HDAC2: variants seen among roughly 807,000 people sequenced by gnomAD.
HDAC2 encodes the protein YY1-associated factor 1.
Under a neutral mutation model 68.5 loss-of-function variants are expected in HDAC2, and 5 were observed. The ratio of observed to expected loss-of-function variants is 0.07; its 90% CI spans 0.04 to 0.15. The LOEUF is 0.15. HDAC2 is among the 10% of genes least tolerant of loss of function. The pLI is 1.00. For missense variants in HDAC2, 291 were observed against 600.8 expected (o/e 0.48, Z 5.39); for synonymous variants, 182 against 191.3 (o/e 0.95, Z 0.40).
intron 9 of HDAC2, 125 bp from the exon 10 acceptor site, chr6:113,945,595 G>T: frequency 1.5e-6 from 1 of 678,770 alleles, no homozygotes; most frequent in Non-Finnish European, 2.6e-6. Flanking sequence ...AACACAAAGT[G>T]AATGTTCTCC....
At chr6:113,957,930 C>G (rs1368236392) in intron 3 of HDAC2, among the ~76,000 whole-genome samples, 1 of 151,932 alleles carries the variant, frequency 6.6e-6, no homozygotes, top group African/African-American at 2.4e-5. Flanking sequence ...ACTACATGTT[C>G]TAGTTACATT....
At chr6:113,948,380 A>G (rs922293655) in intron 8 of HDAC2, 1 of 152,294 alleles carries the variant, frequency 6.6e-6, no homozygotes, top group African/African-American at 2.4e-5. Flanking sequence ...CTGTTTTTCA[A>G]GAAGGTGAAA....
chr6:113,970,335 G>T (rs898037695), intron 1 of HDAC2: 2 of 438,220 alleles, frequency 4.6e-6, no homozygotes, highest in Admixed American at 6.4e-5. Flanking sequence ...TAGGGGAGGC[G>T]AGCAGGCGAG....
intron 3 of HDAC2, 74 bp from the exon 4 acceptor site, chr6:113,956,767 T>C: frequency 9.3e-7 from 1 of 1,070,086 alleles, no homozygotes; most frequent in East Asian, 2.4e-5. Flanking sequence ...AAAAACTATT[T>C]CCCACAAATA....
intron 1 of HDAC2, 63 bp from the exon 2 acceptor site, chr6:113,960,081 T>C: frequency 1.2e-6 from 1 of 811,994 alleles, no homozygotes; most frequent in Non-Finnish European, 2.2e-6. Flanking sequence ...ACTATTTGAA[T>C]TTATGTATGT....
At position 113,949,786 on chromosome 6, in the gene HDAC2, C is replaced by CT. The variant is rs531082299; in HGVS notation, c.640-527dup. The stretch of plus-strand genomic sequence containing the variant: ...TACCGACTAAAGCACCAGATTTGTT[C>CT]TTTTTTTTTTTTTGAGACAGAGTTT... On this transcript the variant is annotated intron_variant, in intron 6 of 13. Transcript: ENST00000519065. Among the ~76,000 whole-genome samples, 351 of 145,350 alleles carry CT rather than the reference C, an allele frequency of 2.4e-3. 2 individuals carry two copies. The highest frequency in any genetic ancestry group is 4.9e-3 in the African/African-American group (196 of 39,904).
Position 113,953,353 on chromosome 6 carries a change from A to G in HDAC2, c.563T>C (p.Phe188Ser). The change falls in exon 6 of 14, where the codon TTT (phenylalanine) becomes TCT (serine). Residue 188 changes from phenylalanine to serine, a missense_variant. Physicochemically the swap from Phe to Ser is radical, Grantham distance 155. Coordinates refer to ENST00000519065, the MANE Select transcript of HDAC2 (RefSeq NM_001527.4). ...CGTCATTACACGATCTGTTGTATAA[A>G]AAGCTTCTTCAACACCATCACCATG... ...IHHGDGVEEAFYTTDRVMTVS... is the reference protein window; with the variant it reads ...IHHGDGVEEASYTTDRVMTVS... The G allele has an allele frequency of 6.3e-7, 1 of 1,587,748 alleles. No homozygotes were observed. The highest frequency in any genetic ancestry group is 8.6e-7 in the Non-Finnish European group (1 of 1,156,240).
chr6:113,937,191 T>C lies in HDAC2; in HGVS notation c.*3867A>G, dbSNP rs567584327. 53 of 152,328 alleles carry C rather than the reference T, an allele frequency of 3.5e-4. No homozygotes were observed. Among genetic ancestry groups the C allele is most frequent in the African/African-American group, 1.3e-3 (53 of 41,576 alleles). The allele number at this position is 152,328 out of a possible 1,614,324, so 9.4% of individuals were successfully genotyped here. A position where few individuals can be genotyped will look rare whatever the true frequency, so the allele number is the denominator to read the frequency against. On this transcript the variant is annotated 3_prime_UTR_variant, in exon 14 of 14. Coordinates refer to ENST00000519065, the MANE Select transcript of HDAC2 (RefSeq NM_001527.4). ...CTATTGAAATGATTACTACTTGTTT[T>C]CAAAAGCCCTTATCATTTATATCAC...
rs756145331 is a variant in HDAC2 at position 113,943,503 on chromosome 6, C to T, written c.1226G>A (p.Arg409Gln). Residue 409 changes from arginine (R) to glutamine (Q), a missense_variant, in exon 12 of 14, where the codon CGA becomes CAA. By Grantham distance (43) the Arg-to-Gln change is conservative. Transcript: ENST00000519065. The stretch of plus-strand genomic sequence containing the variant: ...ACAAGCTATCCGCTTGTCTGATGCT[C>T]GAACTGCACAGAATATTTTAATAAA... ...GEDPDKRISI[R>Q]ASDKRIACDE... is the part of the protein sequence containing the mutation. 10 of 1,595,130 alleles carry T rather than the reference C, an allele frequency of 6.3e-6. No individual in the cohort carries two copies. Among genetic ancestry groups the T allele is most frequent in the Non-Finnish European group, 8.5e-6 (10 of 1,176,310 alleles).
chr6:113,933,788 CACAT>C lies in HDAC2; in HGVS notation c.*7266_*7269del, dbSNP rs1341775448. ...GTATATTATATAATATACATACACA[CACAT>C]ATATACACATGTATATATATATATG... On this transcript the variant is annotated 3_prime_UTR_variant, in exon 14 of 14. Coordinates refer to ENST00000519065, the MANE Select transcript of HDAC2 (RefSeq NM_001527.4). The C allele has an allele frequency of 6.6e-6, 1 of 151,596 alleles. No individual in the cohort carries two copies. The highest frequency in any genetic ancestry group is 1.5e-5 in the Non-Finnish European group (1 of 67,932). The allele number at this position is 151,596 out of a possible 1,614,324, so 9.4% of individuals were successfully genotyped here.
rs538946968 is a variant in HDAC2 at position 113,939,555 on chromosome 6, T to C, written c.*1503A>G. ...TATCCCCCTAACGAAGGGACTAAGT[T>C]TCTTAGTTCCTAATGTCATAAAGGT... On this transcript the variant is annotated 3_prime_UTR_variant, in exon 14 of 14. Transcript: ENST00000519065. 2.0e-5 allele frequency: 3 copies of C among 152,352 alleles called. No individual in the cohort carries two copies. The East Asian group carries it at 5.8e-4, about 29-fold the overall frequency. 9.4% of individuals were successfully genotyped at this position (152,352 alleles called of 1,614,324 possible).
Position 113,941,733 on chromosome 6 carries a change from T to C in HDAC2, c.1411A>G (p.Ser471Gly). Reference protein sequence around the residue: ...VKEEDKSKDNSGEKTDTKGTK... With the variant: ...VKEEDKSKDNGGEKTDTKGTK... Reference sequence around the variant, plus strand: ...CCTTTGGTATCTGTTTTTTCACCACTGTTGTCCTTGGATTTATCTTCTTCC... The same window carrying C: ...CCTTTGGTATCTGTTTTTTCACCACCGTTGTCCTTGGATTTATCTTCTTCC... Residue 471 changes from serine to glycine, a missense_variant, in exon 13 of 14, where the codon AGT becomes GGT. Coordinates refer to ENST00000519065, the MANE Select transcript of HDAC2 (RefSeq NM_001527.4). 1 of 1,458,978 alleles carries C rather than the reference T, an allele frequency of 6.9e-7. No homozygotes were observed. Among genetic ancestry groups the C allele is most frequent in the Non-Finnish European group, 9.4e-7 (1 of 1,068,076 alleles). 90.4% of individuals were successfully genotyped at this position (1,458,978 alleles called of 1,614,324 possible).
At position 113,940,024 on chromosome 6, in the gene HDAC2, ATGTTT is replaced by A. The variant is rs1227482567; in HGVS notation, c.*1029_*1033del. 6.6e-6 allele frequency: 1 copy of A among 152,202 alleles called. No homozygotes were observed. The highest frequency in any genetic ancestry group is 1.5e-5 in the Non-Finnish European group (1 of 68,034). 9.4% of individuals were successfully genotyped at this position (152,202 alleles called of 1,614,324 possible). A position where few individuals can be genotyped will look rare whatever the true frequency, so the allele number is the denominator to read the frequency against. Reference sequence around the variant, plus strand: ...TCACTGATTTTGGCAAGTTCCTAAAATGTTTTGTCTTCTTTGCACATCTTAGTAGC... The same window carrying A: ...TCACTGATTTTGGCAAGTTCCTAAAATGTCTTCTTTGCACATCTTAGTAGC... On this transcript the variant is annotated 3_prime_UTR_variant, in exon 14 of 14. Transcript: ENST00000519065.
At position 113,937,417 on chromosome 6, in the gene HDAC2, C is replaced by T. The variant is rs767590930; in HGVS notation, c.*3641G>A. 1 of 152,188 alleles carries T rather than the reference C, an allele frequency of 6.6e-6. No individual in the cohort carries two copies. Among genetic ancestry groups the T allele is most frequent in the Non-Finnish European group, 1.5e-5 (1 of 68,032 alleles). The allele number at this position is 152,188 out of a possible 1,614,324, so 9.4% of individuals were successfully genotyped here. A position where few individuals can be genotyped will look rare whatever the true frequency, so the allele number is the denominator to read the frequency against. ...ATGTAACTAGCTTAGAGTACCAATG[C>T]TGACTTAGAACAGCATTCACCCATG... On this transcript the variant is annotated 3_prime_UTR_variant, in exon 14 of 14. Coordinates refer to ENST00000519065, the MANE Select transcript of HDAC2 (RefSeq NM_001527.4).
chr6:113,933,458 C>T lies in HDAC2; in HGVS notation c.*7600G>A, dbSNP rs1775935672. On this transcript the variant is annotated 3_prime_UTR_variant, in exon 14 of 14. Coordinates refer to ENST00000519065, the MANE Select transcript of HDAC2 (RefSeq NM_001527.4). ...CTGGACCTGAGATTCGATCCTATCC[C>T]ATCCCATCTTATCCCATCTCCTTCT... 1 of 152,270 alleles carries T rather than the reference C, an allele frequency of 6.6e-6. No individual in the cohort carries two copies. The highest frequency in any genetic ancestry group is 2.4e-5 in the African/African-American group (1 of 41,532). The allele number at this position is 152,270 out of a possible 1,614,324, so 9.4% of individuals were successfully genotyped here.
chr6:113,939,059 T>C lies in HDAC2; in HGVS notation c.*1999A>G, dbSNP rs1186100313. 1 of 152,118 alleles carries C rather than the reference T, an allele frequency of 6.6e-6. No homozygotes were observed. The highest frequency in any genetic ancestry group is 1.9e-4 in the East Asian group (1 of 5,202). The allele number at this position is 152,118 out of a possible 1,614,324, so 9.4% of individuals were successfully genotyped here. On this transcript the variant is annotated 3_prime_UTR_variant, in exon 14 of 14. Transcript: ENST00000519065. ...TGTCAACAGGGGTAGATCAGAATAT[T>C]AAATGAAAAAAAGCAAAGGGCCTTT...
rs1776033742 is a variant in HDAC2 at position 113,937,665 on chromosome 6, C to T, written c.*3393G>A. 6.6e-6 allele frequency: 1 copy of T among 151,168 alleles called. No homozygotes were observed. The highest frequency in any genetic ancestry group is 2.4e-5 in the African/African-American group (1 of 41,148). The allele number at this position is 151,168 out of a possible 1,614,324, so 9.4% of individuals were successfully genotyped here. A position where few individuals can be genotyped will look rare whatever the true frequency, so the allele number is the denominator to read the frequency against. On this transcript the variant is annotated 3_prime_UTR_variant, in exon 14 of 14. Transcript: ENST00000519065. ...GAGTTTGTGACCAGCCTGGGCAACA[C>T]AGGGAGACACCATCTCTCCAAAATA...
rs200492163 is a variant in HDAC2, at chr6:113,943,274, G to C, written c.1378+77C>G. ...CTGATACCTGTGCAACTGACTTCTC[G>C]ATAGCATAAACATTATAATGCAGCC... On this transcript the variant is annotated intron_variant, in intron 12 of 13. Transcript: ENST00000519065. The C allele has an allele frequency of 3.8e-4, 449 of 1,179,776 alleles. 5 individuals are homozygous for C. The East Asian group carries it at 9.9e-3, about 26-fold the overall frequency. 73.1% of individuals were successfully genotyped at this position (1,179,776 alleles called of 1,614,324 possible). A position where few individuals can be genotyped will look rare whatever the true frequency, so the allele number is the denominator to read the frequency against.
rs1776060485 is a variant in HDAC2, at chr6:113,938,677, AGGGT to A, written c.*2377_*2380del. 6.6e-6 allele frequency: 1 copy of A among 152,178 alleles called. No individual in the cohort carries two copies. Among genetic ancestry groups the A allele is most frequent in the Non-Finnish European group, 1.5e-5 (1 of 68,040 alleles). The allele number at this position is 152,178 out of a possible 1,614,324, so 9.4% of individuals were successfully genotyped here. A position where few individuals can be genotyped will look rare whatever the true frequency, so the allele number is the denominator to read the frequency against. On this transcript the variant is annotated 3_prime_UTR_variant, in exon 14 of 14. Coordinates refer to ENST00000519065, the MANE Select transcript of HDAC2 (RefSeq NM_001527.4). The stretch of plus-strand genomic sequence containing the variant: ...TCCTATATGAATTTTTTAAAGTATT[AGGGT>A]ATTCTGACATCTTACTATGTTACAT...
Sources: gnomAD v4.1 joint callset for allele counts (sites outside exome capture counted in the v4.1 genomes callset) on GRCh38, gnomAD v4.1.1 for gene constraint, MANE v1.5 for transcripts, NCBI Gene and HGNC (gene_info 2026-07-23, HGNC 2026-07-21) for gene names.